Variants in UNKL observed in about 807,000 individuals in gnomAD.
UNKL encodes unk like zinc finger, also known as putative E3 ubiquitin-protein ligase UNKL.
A neutral mutation model predicts 78.0 loss-of-function variants in UNKL; 60 were observed. The observed-to-expected ratio is 0.77, with a 90% CI of 0.63 to 0.95. The LOEUF is 0.95. Among genes scored for constraint, UNKL ranks in the 40% least tolerant of loss-of-function variants. UNKL has a pLI of 0.00. For synonymous variants in UNKL, 608 were observed against 474.8 expected (o/e 1.28, Z -3.65); for missense variants, 1,159 against 1,045.7 (o/e 1.11, Z -1.49).
chr16:1,406,334 T>C (rs927015160), intron 2 of UNKL, among the ~76,000 whole-genome samples: 1 of 151,860 alleles, frequency 6.6e-6, no homozygotes, highest in African/African-American at 2.4e-5. Context: ...TGCCTCAGCC[T>C]CCCGAGTAAC....
rs1185416834 is a variant in UNKL, at chr16:1,363,421, T to C, written c.*2819A>G. On this transcript the variant is annotated 3_prime_UTR_variant, in exon 15 of 15. Transcript: ENST00000389221. ...AATACTCAAACATACAGATTGAGGC[T>C]TCCAGAAATTAATCCACTTGAGGCG... 1 of 364,380 alleles carries C rather than the reference T, an allele frequency of 2.7e-6. No individual in the cohort carries two copies. The highest frequency in any genetic ancestry group is 2.1e-5 in the African/African-American group (1 of 47,244). 22.6% of individuals were successfully genotyped at this position (364,380 alleles called of 1,614,324 possible). A position where few individuals can be genotyped will look rare whatever the true frequency, so the allele number is the denominator to read the frequency against.
rs558127363 is a variant in UNKL, at chr16:1,375,872, G to T, written c.1265-4261C>A. Among the ~76,000 whole-genome samples, 18 of 152,306 alleles carry T rather than the reference G, an allele frequency of 1.2e-4. 1 individual carries two copies. The South Asian group carries it at 2.9e-3, about 25-fold the overall frequency. ...CCACCCTGGCCTGCAGGGTGGGCCA[G>T]CCCTCCCGGTCGCTGTCATCCACTT... On this transcript the variant is annotated intron_variant, in intron 10 of 14. Coordinates refer to ENST00000389221, the MANE Select transcript of UNKL (RefSeq NM_001372107.1).
At chr16:1,370,762 G>A (rs2035747832) in intron 11 of UNKL, among the ~76,000 whole-genome samples, 1 of 152,234 alleles carries the variant, frequency 6.6e-6, no homozygotes, top group South Asian at 2.1e-4. Context: ...TAGGCTGAAT[G>A]AAAAGATGTT....
rs771720528 is a variant in UNKL, at chr16:1,401,563, G to A, written c.598+5C>T. The stretch of plus-strand genomic sequence containing the variant: ...CACCGCCCTCAGCTGCGGCCGTGGA[G>A]TTACCTTGCCACCGGGGGTCCTCGC... On this transcript the variant is annotated splice_donor_5th_base_variant and intron_variant, in intron 4 of 14. Transcript: ENST00000389221. 20 of 1,575,384 alleles carry A rather than the reference G, an allele frequency of 1.3e-5. 1 individual carries two copies. The highest frequency in any genetic ancestry group is 1.6e-5 in the Non-Finnish European group (19 of 1,157,022).
intron 5 of UNKL, chr16:1,398,177 A>C: frequency 1.8e-6 from 1 of 543,854 alleles, no homozygotes; most frequent in Non-Finnish European, 2.3e-6. Context: ...CCCACAATTT[A>C]AAACTCCGCA....
At chr16:1,386,340 A>G (rs2036811683) in intron 9 of UNKL, among the ~76,000 whole-genome samples, 1 of 152,032 alleles carries the variant, frequency 6.6e-6, no homozygotes, top group African/African-American at 2.4e-5. Flanking sequence ...ATCACCTGAG[A>G]TCAGGAGTTC....
chr16:1,395,612 G>C (rs2037225936), intron 6 of UNKL: 1 of 442,668 alleles, frequency 2.3e-6, no homozygotes, highest in Non-Finnish European at 4.6e-6. Flanking sequence ...TCCGCCCCAG[G>C]AACCTCCTGC....
rs775665341 is a variant in UNKL at position 1,403,261 on chromosome 16, T to A, written c.371A>T (p.Glu124Val). The change falls in exon 3 of 15, where the codon GAG (glutamate) becomes GTG (valine). Residue 124 changes from glutamate (E) to valine (V), a missense_variant. Physicochemically the swap from Glu to Val is moderately radical, Grantham distance 121. Coordinates refer to ENST00000389221, the MANE Select transcript of UNKL (RefSeq NM_001372107.1). The surrounding 1 kb of genome is among the most constrained non-coding windows in gnomAD (Gnocchi z 4.8). ...RYYKTGTCIH[E>V]TDARGHCVKN... The stretch of plus-strand genomic sequence containing the variant: ...CACGCAGTGGCCACGTGCGTCTGTC[T>A]CGTGGATGCAGGTTCCTGTTTTGTA... 3 of 1,614,180 alleles carry A rather than the reference T, an allele frequency of 1.9e-6. No homozygotes were observed. In the Admixed American group the frequency reaches 5.0e-5, roughly 27 times the overall value.
chr16:1,375,146 G>A (rs545508698), intron 10 of UNKL, among the ~76,000 whole-genome samples: 54 of 152,294 alleles, frequency 3.5e-4, no homozygotes, highest in African/African-American at 9.6e-4. Flanking sequence ...CAGGGCAGCC[G>A]GAGTATCCTC....
intron 10 of UNKL, among the ~76,000 whole-genome samples, chr16:1,380,474 C>A (rs1414693796): frequency 6.6e-6 from 1 of 152,166 alleles, no homozygotes; most frequent in Non-Finnish European, 1.5e-5. Flanking sequence ...GCCTCCAGTG[C>A]CTGTGGCTAG....
At position 1,367,362 on chromosome 16, in the gene UNKL, G is replaced by A. The variant is rs760709547; in HGVS notation, c.1789-13C>T. On this transcript the variant is annotated splice_polypyrimidine_tract_variant and intron_variant, in intron 13 of 14. Transcript: ENST00000389221. Reference sequence around the variant, plus strand: ...AGGCATCGCAGACCTGAAACCCAGGGCCCGTCTCAGCACCCCCCACCTCAC... The same window carrying A: ...AGGCATCGCAGACCTGAAACCCAGGACCCGTCTCAGCACCCCCCACCTCAC... 6.5e-7 allele frequency: 1 copy of A among 1,531,330 alleles called. No homozygotes were observed. The highest frequency in any genetic ancestry group is 1.2e-5 in the South Asian group (1 of 82,734). The allele number at this position is 1,531,330 out of a possible 1,614,324, so 94.9% of individuals were successfully genotyped here. A position where few individuals can be genotyped will look rare whatever the true frequency, so the allele number is the denominator to read the frequency against.
At chr16:1,407,165 G>GA (rs1165598409) in intron 2 of UNKL, 220 of 145,016 alleles carry the variant, frequency 1.5e-3, no homozygotes, top group African/African-American at 1.5e-3. Context: ...AAGAAAGAAA[G>GA]AAAAAAAAAA....
intron 3 of UNKL, 132 bp from the exon 4 acceptor site, chr16:1,401,833 C>A: frequency 7.8e-7 from 1 of 1,283,008 alleles, no homozygotes; most frequent in South Asian, 1.7e-5. Context: ...AGGACGGAGT[C>A]TCAGTGTGTG....
In UNKL at chr16:1,397,204, G is replaced by A. The variant is rs1405542466; in HGVS notation, c.826C>T (p.Arg276Cys). Residue 276 changes from arginine to cysteine, a missense_variant, in exon 6 of 15, where the codon CGC (arginine) becomes TGC (cysteine). Coordinates refer to ENST00000389221, the MANE Select transcript of UNKL (RefSeq NM_001372107.1). ...TCGGGATGGAACTGCTGCTCCGTGCGGGAGTGGCAATACTGGCAGCCGTCG... is the reference window on the plus strand; with the variant it reads ...TCGGGATGGAACTGCTGCTCCGTGCAGGAGTGGCAATACTGGCAGCCGTCG... ...GGDGCQYCHS[R>C]TEQQFHPEIY... 15 of 1,547,228 alleles carry A rather than the reference G, an allele frequency of 9.7e-6. No homozygotes were observed. Among genetic ancestry groups the A allele is most frequent in the South Asian group, 1.2e-5 (1 of 83,998 alleles).
At chr16:1,369,820 C>T in intron 12 of UNKL, 3 of 894,038 alleles carry the variant, frequency 3.4e-6, no homozygotes, top group African/African-American at 1.7e-5. Flanking sequence ...ACTAAAAATA[C>T]AAAAACTAGC....
At chr16:1,401,520 T>TGGGGGG in intron 4 of UNKL, 48 bp downstream of exon 4, 1 of 1,466,150 alleles carries the variant, frequency 6.8e-7, no homozygotes, top group Non-Finnish European at 9.1e-7. Flanking sequence ...GTTCTCGCGC[T>TGGGGGG]GTGCCCGCCC....
chr16:1,371,441 C>A, intron 11 of UNKL, 78 bp downstream of exon 11: 1 of 1,434,236 alleles, frequency 7.0e-7, no homozygotes, highest in Non-Finnish European at 9.4e-7. Context: ...CCTCCCCGGG[C>A]TCAAGCGATC....
chr16:1,383,840 T>A (rs1480813712), intron 10 of UNKL: 1 of 436,416 alleles, frequency 2.3e-6, no homozygotes, highest in East Asian at 7.1e-5. Context: ...ACCACGTGGC[T>A]CCAGCAGCCC....
chr16:1,370,720 CTT>C (rs2035742445), intron 11 of UNKL, among the ~76,000 whole-genome samples: 1 of 152,238 alleles, frequency 6.6e-6, no homozygotes, highest in Non-Finnish European at 1.5e-5. Context: ...AAATGGTTTA[CTT>C]TCTTTTAAAA....
Sources: allele counts gnomAD v4.1 joint callset (sites outside exome capture counted in the v4.1 genomes callset), GRCh38; gene constraint gnomAD v4.1.1; non-coding constraint Gnocchi (gnomAD v3.1); transcripts MANE v1.5; gene names NCBI Gene and HGNC (gene_info 2026-07-23, HGNC 2026-07-21).